Variants in LRFN5 observed in about 807,000 individuals in gnomAD.
LRFN5 encodes leucine rich repeat and fibronectin type III domain containing 5.
A neutral mutation model predicts 45.6 loss-of-function variants in LRFN5; 24 were observed. The observed-to-expected ratio is 0.53, with a 90% CI of 0.38 to 0.74. The LOEUF is 0.74. Among genes scored for constraint, LRFN5 ranks in the 30% least tolerant of loss-of-function variants. LRFN5 has a pLI of 0.00. For missense variants in LRFN5, 776 were observed against 861.5 expected, an observed-to-expected ratio of 0.90 and a Z score of 1.24; for synonymous variants, 340 against 313.8, an observed-to-expected ratio of 1.08 and a Z score of -0.88.
At chr14:41,743,496 A>T (rs912321203) in intron 1 of LRFN5, among the ~76,000 whole-genome samples, 1 of 152,184 alleles carries the variant, frequency 6.6e-6, no homozygotes, top group African/African-American at 2.4e-5. Context: ...TATCTCATGG[A>T]ATCAAAAGTT....
chr14:41,829,492 T>C (rs1180095227), intron 2 of LRFN5, among the ~76,000 whole-genome samples: 1 of 152,002 alleles, frequency 6.6e-6, no homozygotes, highest in Non-Finnish European at 1.5e-5. Context: ...GTGGTCTGTT[T>C]ATCTGATTGA....
At chr14:41,774,928 GCTTGATCTTACATGTATAACTAAA>G (rs1336823748) in intron 2 of LRFN5, among the ~76,000 whole-genome samples, 1 of 151,994 alleles carries the variant, frequency 6.6e-6, no homozygotes, top group Non-Finnish European at 1.5e-5. Context: ...CAGGGGGGTA[GCTTGATCTTACATGTATAACTAAA>G]CTTCCCTTTG....
intron 2 of LRFN5, among the ~76,000 whole-genome samples, chr14:41,840,893 A>G (rs1888835436): frequency 6.6e-6 from 1 of 151,750 alleles, no homozygotes; most frequent in Non-Finnish European, 1.5e-5. Flanking sequence ...GGATTCAAAT[A>G]TGAATCTACA....
At chr14:41,850,836 T>A (rs1889241470) in intron 2 of LRFN5, among the ~76,000 whole-genome samples, 1 of 151,708 alleles carries the variant, frequency 6.6e-6, no homozygotes, top group Non-Finnish European at 1.5e-5. Context: ...GAAAGTTACA[T>A]CTTAGCAAAA....
intron 1 of LRFN5, among the ~76,000 whole-genome samples, chr14:41,698,343 C>A (rs1027443628): frequency 2.3e-4 from 35 of 152,062 alleles, no homozygotes; most frequent in African/African-American, 7.2e-4. Flanking sequence ...AAAATTTAGG[C>A]ACTGCTCCAG....
chr14:41,622,819 T>C (rs1018818502), intron 1 of LRFN5, among the ~76,000 whole-genome samples: 2 of 152,176 alleles, frequency 1.3e-5, no homozygotes, highest in Admixed American at 1.3e-4. Context: ...TTTGGAATAA[T>C]CTGAAATACA....
intron 1 of LRFN5, among the ~76,000 whole-genome samples, chr14:41,755,543 C>G (rs1221643999): frequency 6.6e-6 from 1 of 152,022 alleles, no homozygotes; most frequent in Non-Finnish European, 1.5e-5. Flanking sequence ...CTCTTTTGAT[C>G]TTTGTTGGTT....
intron 2 of LRFN5, among the ~76,000 whole-genome samples, chr14:41,872,030 A>G (rs889112704): frequency 1.3e-5 from 2 of 152,186 alleles, no homozygotes; most frequent in Non-Finnish European, 2.9e-5. Context: ...TTGAAATAAT[A>G]ATCTCTCCTA....
chr14:41,808,571 A>G (rs867341004), intron 2 of LRFN5, among the ~76,000 whole-genome samples: 57 of 141,400 alleles, frequency 4.0e-4, no homozygotes, highest in African/African-American at 1.4e-3. Context: ...GGAAGGAAGG[A>G]AGGAAGGAAG....
At chr14:41,700,536 T>C (rs752335876) in intron 1 of LRFN5, 1 of 151,952 alleles carries the variant, frequency 6.6e-6, no homozygotes, top group Non-Finnish European at 1.5e-5. Context: ...GGTTTCACAA[T>C]GTATTATTAG....
chr14:41,753,942 A>C (rs1217800161), intron 1 of LRFN5, among the ~76,000 whole-genome samples: 1 of 152,276 alleles, frequency 6.6e-6, no homozygotes, highest in East Asian at 1.9e-4. Flanking sequence ...CGTCCCATCA[A>C]TACCTAATTT....
chr14:41,890,563 C>T (rs1366074378), intron 3 of LRFN5, among the ~76,000 whole-genome samples: 1 of 151,782 alleles, frequency 6.6e-6, no homozygotes, highest in Non-Finnish European at 1.5e-5. Flanking sequence ...AAAAATTAGC[C>T]GGGCGTGGTG....
chr14:41,775,548 T>C (rs999720287), intron 2 of LRFN5, among the ~76,000 whole-genome samples: 2 of 152,200 alleles, frequency 1.3e-5, no homozygotes, highest in Non-Finnish European at 2.9e-5. Flanking sequence ...GTTTAATATC[T>C]GGAAAACAAA....
chr14:41,694,307 G>A (rs577557450), intron 1 of LRFN5, among the ~76,000 whole-genome samples: 22 of 151,874 alleles, frequency 1.4e-4, no homozygotes, highest in Non-Finnish European at 2.2e-4. Flanking sequence ...CTGAAACTTC[G>A]TATCTTTTGA....
intron 1 of LRFN5, among the ~76,000 whole-genome samples, chr14:41,703,164 T>C (rs1882908902): frequency 6.6e-6 from 1 of 152,216 alleles, no homozygotes; most frequent in South Asian, 2.1e-4. Flanking sequence ...TTTAGTTAAT[T>C]AGAAATTAAA....
chr14:41,747,612 A>C (rs1884973735), intron 1 of LRFN5, among the ~76,000 whole-genome samples: 1 of 152,060 alleles, frequency 6.6e-6, no homozygotes, highest in Non-Finnish European at 1.5e-5. Flanking sequence ...GGATTTAGTA[A>C]TGGTTTATTG....
intron 1 of LRFN5, among the ~76,000 whole-genome samples, chr14:41,620,462 A>C (rs1888084249): frequency 6.6e-6 from 1 of 152,076 alleles, no homozygotes; most frequent in Non-Finnish European, 1.5e-5. Flanking sequence ...TTTGTGGTAC[A>C]TGTGTCACTC....
chr14:41,882,400 C>G (rs900344722), intron 2 of LRFN5, among the ~76,000 whole-genome samples: 3 of 152,010 alleles, frequency 2.0e-5, no homozygotes, highest in African/African-American at 7.3e-5. Context: ...TCCCTCCCCT[C>G]TGTCAGTCCT....
intron 1 of LRFN5, among the ~76,000 whole-genome samples, chr14:41,763,173 C>G (rs1270119280): frequency 6.6e-6 from 1 of 152,174 alleles, no homozygotes; most frequent in Non-Finnish European, 1.5e-5. Flanking sequence ...ATGATGAGTA[C>G]TTTCACATAC....
Sources: allele counts gnomAD v4.1 joint callset (sites outside exome capture counted in the v4.1 genomes callset), GRCh38; gene constraint gnomAD v4.1.1; transcripts MANE v1.5; gene names NCBI Gene and HGNC (gene_info 2026-07-23, HGNC 2026-07-21).